The following OTOF variants were observed in gnomAD, a reference collection of about 807,000 sequenced individuals.
OTOF encodes the protein otoferlin.
Under a neutral mutation model 236.8 loss-of-function variants are expected in OTOF, and 218 were observed. The observed-to-expected ratio is 0.92, with a 90% CI of 0.82 to 1.03. The LOEUF (loss-of-function observed/expected upper bound fraction) is 1.03, where lower values mean the gene tolerates loss of function less well. Ranked by LOEUF, OTOF falls within the 50% of genes least tolerant of loss-of-function variation. OTOF has a pLI of 0.00. For missense variants in OTOF, 2,590 were observed against 2,694.4 expected (o/e 0.96, Z 0.86); for synonymous variants, 1,041 against 1,072.5 (o/e 0.97, Z 0.57).
Position 26,461,099 on chromosome 2 carries a change from G to T in OTOF, c.5534-69C>A. The stretch of plus-strand genomic sequence containing the variant: ...TGGGGCGGGGTGGGGGTGGGGGTCT[G>T]GGCTCCTCGGCCCCTTGTTTGCTGA... On this transcript the variant is annotated intron_variant, in intron 43 of 46. Coordinates refer to ENST00000272371, the MANE Select transcript of OTOF (RefSeq NM_194248.3). The surrounding 1 kb of genome is among the most constrained non-coding windows in gnomAD (Gnocchi z 6.2). 8.9e-7 allele frequency: 1 copy of T among 1,126,254 alleles called. No homozygotes were observed. Among genetic ancestry groups the T allele is most frequent in the Non-Finnish European group, 1.3e-6 (1 of 772,876 alleles). 69.8% of individuals were successfully genotyped at this position (1,126,254 alleles called of 1,614,324 possible).
chr2:26,466,704 G>A lies in OTOF; in HGVS notation c.4500+10C>T, dbSNP rs544653934. On this transcript the variant is annotated intron_variant, in intron 36 of 46. Transcript: ENST00000272371. ...AGACTTGCAAGGAGGGAAAGCGACGGGAGTCTCACCCGGACCACATAGACT... is the reference window on the plus strand; with the variant it reads ...AGACTTGCAAGGAGGGAAAGCGACGAGAGTCTCACCCGGACCACATAGACT... The A allele has an allele frequency of 6.2e-7, 1 of 1,614,118 alleles. No homozygotes were observed. Among genetic ancestry groups the A allele is most frequent in the Non-Finnish European group, 8.5e-7 (1 of 1,179,968 alleles).
intron 8 of OTOF, among the ~76,000 whole-genome samples, chr2:26,498,771 G>C (rs1275369623): frequency 6.6e-6 from 1 of 152,210 alleles, no homozygotes; most frequent in Admixed American, 6.5e-5. Flanking sequence ...ACCTGATCCA[G>C]CTTCAGGAAC....
In OTOF at chr2:26,548,047, TC is replaced by T. The variant is rs1667375617; in HGVS notation, c.80-10274del. Among the ~76,000 whole-genome samples, 3 of 152,372 alleles carry T rather than the reference TC, an allele frequency of 2.0e-5. No individual in the cohort carries two copies. The South Asian group carries it at 6.2e-4, about 32-fold the overall frequency. On this transcript the variant is annotated intron_variant, in intron 1 of 46. Coordinates refer to ENST00000272371, the MANE Select transcript of OTOF (RefSeq NM_194248.3). The stretch of plus-strand genomic sequence containing the variant: ...TTTTTCAAAAGATTTATTCATTTCA[TC>T]TGAGTTGTAGAATTTATTGAGGTAA...
rs149701372 is a variant in OTOF at position 26,516,421 on chromosome 2, C to T, written c.506G>A (p.Arg169Gln). 5.6e-5 allele frequency: 90 copies of T among 1,613,660 alleles called. No individual in the cohort carries two copies. The African/African-American group carries it at 8.1e-4, about 15-fold the overall frequency. Reference protein sequence around the residue: ...SSRPPGEKSFRRAGRSVFSAM... With the variant: ...SSRPPGEKSFQRAGRSVFSAM... ...CCAGAGGGGTCCTGCCTGTTACCTCCGGAAGCTCTTCTCTCCTGGGGGCCG... is the reference window on the plus strand; with the variant it reads ...CCAGAGGGGTCCTGCCTGTTACCTCTGGAAGCTCTTCTCTCCTGGGGGCCG... The change falls in exon 5 of 47, where the codon CGG becomes CAG. Residue 169 changes from arginine (R) to glutamine (Q), a missense_variant. Physicochemically the swap from Arg to Gln is conservative, Grantham distance 43. This residue lies in a region of OTOF where 1,379 missense variants were observed against 1,341.6 expected (regional missense o/e 1.03). Transcript: ENST00000272371.
Position 26,519,132 on chromosome 2 carries a change from G to A in OTOF, c.228-23C>T, listed in dbSNP as rs377261609. 2.8e-4 allele frequency: 418 copies of A among 1,487,066 alleles called. 5 individuals carry two copies. The highest frequency in any genetic ancestry group is 2.4e-3 in the South Asian group (206 of 86,030). 92.1% of individuals were successfully genotyped at this position (1,487,066 alleles called of 1,614,324 possible). A position where few individuals can be genotyped will look rare whatever the true frequency, so the allele number is the denominator to read the frequency against. On this transcript the variant is annotated intron_variant, in intron 3 of 46. Transcript: ENST00000272371. ...AGCCTGGGGATGGCAGAGGGGGCAC[G>A]GTGGTAACATGGAAGAGACCAGGGT... is the stretch of plus-strand genomic sequence containing the variant.
At position 26,550,214 on chromosome 2, in the gene OTOF, C is replaced by G. The variant is rs1553366551; in HGVS notation, c.79+8279G>C. Among the ~76,000 whole-genome samples, 3 of 152,144 alleles carry G rather than the reference C, an allele frequency of 2.0e-5. No homozygotes were observed. In the South Asian group the frequency reaches 6.2e-4, roughly 32 times the overall value. ...GAAACGAGGACTGTTGAGGCAGCGT[C>G]TAGCAGGTGGATCAGTTCAGACAGA... is the stretch of plus-strand genomic sequence containing the variant. On this transcript the variant is annotated intron_variant, in intron 1 of 46. Coordinates refer to ENST00000272371, the MANE Select transcript of OTOF (RefSeq NM_194248.3).
chr2:26,461,898 G>T lies in OTOF; in HGVS notation c.5331C>A (p.Asp1777Glu). The T allele has an allele frequency of 6.2e-7, 1 of 1,614,132 alleles. No homozygotes were observed. Among genetic ancestry groups the T allele is most frequent in the African/African-American group, 1.3e-5 (1 of 75,008 alleles). The change falls in exon 43 of 47, where the codon GAC becomes GAA. Residue 1777 changes from aspartate to glutamate, a missense_variant. Asp to Glu is a conservative substitution (Grantham distance 45). Around this residue, in one of 2 missense-constraint regions of OTOF, gnomAD observed 1,211 missense variants for 1,352.8 expected, o/e 0.90. Transcript: ENST00000272371. The surrounding 1 kb of genome is among the most constrained non-coding windows in gnomAD (Gnocchi z 6.2). ...CGCCAGTGAGGGAGTGGTAGTGGAC[G>T]TCTGTGTCCTGCTTGTCCTCCTGCT... ...KGQQEDKQDT[D>E]VHYHSLTGEG...
intron 13 of OTOF, among the ~76,000 whole-genome samples, chr2:26,482,807 GTA>G (rs1393009843): frequency 6.6e-6 from 1 of 150,430 alleles, no homozygotes; most frequent in African/African-American, 2.4e-5. Flanking sequence ...GCATGTGTGT[GTA>G]TGAGTGGGTG....
intron 3 of OTOF, among the ~76,000 whole-genome samples, chr2:26,522,995 A>C (rs1558513766): frequency 2.0e-5 from 3 of 152,226 alleles, no homozygotes; most frequent in Non-Finnish European, 1.5e-5. Flanking sequence ...TCCAGCCCAG[A>C]TGGGCCCACA....
intron 1 of OTOF, among the ~76,000 whole-genome samples, chr2:26,557,492 G>A (rs986551770): frequency 2.6e-5 from 4 of 152,136 alleles, no homozygotes; most frequent in Non-Finnish European, 4.4e-5. Context: ...TGTCCCCGGG[G>A]TCAGGTCCAG....
intron 2 of OTOF, among the ~76,000 whole-genome samples, chr2:26,537,110 T>C (rs1667090249): frequency 1.3e-5 from 2 of 152,226 alleles, no homozygotes; most frequent in Non-Finnish European, 2.9e-5. Flanking sequence ...AGAAAAATCG[T>C]TGTCAATAGA....
rs757041871 is a variant in OTOF, at chr2:26,470,647, C to G, written c.3969G>C (p.Glu1323Asp). The part of the protein sequence containing the change: ...AEEPEEEEPD[E>D]SMLDWWSKYF... Reference sequence around the variant, plus strand: ...ACTTGGACCACCAGTCCAGCATGCTCTCGTCTGGCTCCTCCTCCTCTGGCT... The same window carrying G: ...ACTTGGACCACCAGTCCAGCATGCTGTCGTCTGGCTCCTCCTCCTCTGGCT... The change falls in exon 32 of 47, where the codon GAG (glutamate) becomes GAC (aspartate). Residue 1323 changes from glutamate (E) to aspartate (D), a missense_variant. Physicochemically the swap from Glu to Asp is conservative, Grantham distance 45 (BLOSUM62 2). Coordinates refer to ENST00000272371, the MANE Select transcript of OTOF (RefSeq NM_194248.3). The surrounding 1 kb of genome is among the most constrained non-coding windows in gnomAD (Gnocchi z 4.3). 1 of 1,614,146 alleles carries G rather than the reference C, an allele frequency of 6.2e-7. No homozygotes were observed. The highest frequency in any genetic ancestry group is 1.3e-5 in the African/African-American group (1 of 75,044).
intron 6 of OTOF, among the ~76,000 whole-genome samples, chr2:26,503,389 G>T (rs1666168357): frequency 6.6e-6 from 1 of 152,260 alleles, no homozygotes; most frequent in African/African-American, 2.4e-5. Flanking sequence ...TGGTGAGAGC[G>T]CTTGGGCGAG....
At chr2:26,514,185 T>C (rs1469339929) in intron 5 of OTOF, among the ~76,000 whole-genome samples, 2 of 152,262 alleles carry the variant, frequency 1.3e-5, no homozygotes, top group East Asian at 3.8e-4. Context: ...CTCTCAAACC[T>C]GGGCTGGCAG....
In OTOF at chr2:26,463,500, TG is replaced by T. The variant is rs1332143455; in HGVS notation, c.5174del (p.Ser1725TyrfsTer38). ...CCGCTCACTTCTTGGGCTTCCGAGG[TG>T]AGATGTCCAGAGGCGTCCCAGGGGC... is the stretch of plus-strand genomic sequence containing the variant. ...MPAPGTPLDI[S>X]PRKPKKYELR... is the part of the protein sequence containing the mutation. On this transcript the variant is annotated frameshift_variant, in exon 41 of 47. Coordinates refer to ENST00000272371, the MANE Select transcript of OTOF (RefSeq NM_194248.3). LOFTEE classifies it high-confidence loss of function. 1 of 1,604,208 alleles carries T rather than the reference TG, an allele frequency of 6.2e-7. No homozygotes were observed.
intron 13 of OTOF, among the ~76,000 whole-genome samples, chr2:26,482,829 G>GTA (rs1269353297): frequency 2.0e-5 from 3 of 149,454 alleles, no homozygotes; most frequent in Non-Finnish European, 4.5e-5. Context: ...GCATGTGTGC[G>GTA]TGAGTGGGTG....
At chr2:26,532,872 A>G (rs929860913) in intron 2 of OTOF, among the ~76,000 whole-genome samples, 2 of 152,154 alleles carry the variant, frequency 1.3e-5, no homozygotes, top group African/African-American at 4.8e-5. Flanking sequence ...TTGGCCGCTG[A>G]GTGGGCCTGG....
At chr2:26,542,221 C>T (rs866386716) in intron 1 of OTOF, among the ~76,000 whole-genome samples, 1 of 152,212 alleles carries the variant, frequency 6.6e-6, no homozygotes, top group African/African-American at 2.4e-5. Flanking sequence ...GCTAGGGCCA[C>T]ACCTCTGAGA....
chr2:26,466,640 A>G (rs1476789977), intron 36 of OTOF, 74 bp downstream of exon 36: 2 of 1,565,162 alleles, frequency 1.3e-6, no homozygotes, highest in Non-Finnish European at 1.8e-6. Context: ...CCTGGCCAGT[A>G]TGCAGCTTCT....
Sources: gnomAD v4.1 joint callset for allele counts (sites outside exome capture counted in the v4.1 genomes callset) on GRCh38, gnomAD v4.1.1 for gene constraint, gnomAD v4.1.1 regional missense constraint, Gnocchi (gnomAD v3.1) non-coding constraint, MANE v1.5 for transcripts, NCBI Gene and HGNC (gene_info 2026-07-23, HGNC 2026-07-21) for gene names.